The following STAT4 variants were observed in gnomAD, a reference collection of about 807,000 sequenced individuals.
STAT4 encodes signal transducer and activator of transcription 4.
Under a neutral mutation model 110.5 loss-of-function variants are expected in STAT4, and 42 were observed. The observed-to-expected ratio is 0.38, with a 90% CI of 0.30 to 0.49. The LOEUF is 0.49. Ranked by LOEUF, STAT4 falls within the 20% of genes least tolerant of loss-of-function variation. The pLI, the probability that STAT4 is intolerant of heterozygous loss-of-function variation, is 0.95. For synonymous variants in STAT4, 284 were observed against 302.2 expected (o/e 0.94, Z 0.63); for missense variants, 632 against 887.9 (o/e 0.71, Z 3.66).
At chr2:191,126,566 G>C (rs986840640) in intron 3 of STAT4, among the ~76,000 whole-genome samples, 1 of 152,162 alleles carries the variant, frequency 6.6e-6, no homozygotes, top group African/African-American at 2.4e-5. Flanking sequence ...CTTCCTCAGT[G>C]GTACGGTTAG....
intron 3 of STAT4, among the ~76,000 whole-genome samples, chr2:191,093,144 A>C (rs1191773082): frequency 6.6e-6 from 1 of 152,218 alleles, no homozygotes; most frequent in Non-Finnish European, 1.5e-5. Flanking sequence ...AGGCAGCAGA[A>C]ACTTCTGCAG....
rs186539679 is a variant in STAT4, at chr2:191,135,030, G to A, written c.273+11583C>T. On this transcript the variant is annotated intron_variant, in intron 3 of 23. Transcript: ENST00000392320. This position sits in a 1 kb window ranked among gnomAD's most constrained non-coding sequence, Gnocchi z 4.8. ...ACTAGAAAAGCAAGAAAAAAAAACCGAAATTAGTGGAAGGAAAGAATTAAT... is the reference window on the plus strand; with the variant it reads ...ACTAGAAAAGCAAGAAAAAAAAACCAAAATTAGTGGAAGGAAAGAATTAAT... Among the ~76,000 whole-genome samples the A allele has an allele frequency of 1.3e-5, 2 of 151,628 alleles. No homozygotes were observed. Among genetic ancestry groups the A allele is most frequent in the Non-Finnish European group, 2.9e-5 (2 of 67,838 alleles).
rs1698579572 is a variant in STAT4 at position 191,116,596 on chromosome 2, C to T, written c.273+30017G>A. ...AAAGGTGGCATGCTTTGGGAACAGT[C>T]CATCCCACTTAACTTTCTCGGTTAA... On this transcript the variant is annotated intron_variant, in intron 3 of 23. Coordinates refer to ENST00000392320, the MANE Select transcript of STAT4 (RefSeq NM_003151.4). This position sits in a 1 kb window ranked among gnomAD's most constrained non-coding sequence, Gnocchi z 4.1. Among the ~76,000 whole-genome samples the T allele has an allele frequency of 6.6e-6, 1 of 152,078 alleles. No individual in the cohort carries two copies. The highest frequency in any genetic ancestry group is 2.1e-4 in the South Asian group (1 of 4,812).
intron 3 of STAT4, among the ~76,000 whole-genome samples, 185 bp from the exon 4 acceptor site, chr2:191,076,510 T>G (rs1216779706): frequency 6.6e-6 from 1 of 152,142 alleles, no homozygotes; most frequent in Non-Finnish European, 1.5e-5. Context: ...CGTAGACCCC[T>G]AAAGAGAGCA....
chr2:191,072,429 G>A (rs1005326966), intron 5 of STAT4, among the ~76,000 whole-genome samples: 2 of 152,090 alleles, frequency 1.3e-5, no homozygotes, highest in Non-Finnish European at 2.9e-5. Context: ...TGTTTTACTT[G>A]TTATGGAGGA....
intron 3 of STAT4, among the ~76,000 whole-genome samples, chr2:191,097,914 G>GAA (rs71030323): frequency 3.5e-4 from 53 of 150,658 alleles, no homozygotes; most frequent in African/African-American, 8.0e-4. Flanking sequence ...AAATTTACAA[G>GAA]AAAAAAAAAC....
Position 191,064,955 on chromosome 2 carries a change from C to T in STAT4, c.634G>A (p.Ala212Thr), listed in dbSNP as rs757165202. The change falls in exon 8 of 24, where the codon GCT (alanine) becomes ACT (threonine). Residue 212 changes from alanine to threonine, a missense_variant. Transcript: ENST00000392320. ...LNSLDFKRKE[A>T]LSKMTQIIHE... is the part of the protein sequence containing the mutation. ...ATGATTTGGGTCATTTTACTGAGAG[C>T]CTCCTAAAAACAAAGGGGACTACTG... is the stretch of plus-strand genomic sequence containing the variant. 3.1e-6 allele frequency: 5 copies of T among 1,595,934 alleles called. No homozygotes were observed. Among genetic ancestry groups the T allele is most frequent in the Non-Finnish European group, 3.4e-6 (4 of 1,172,416 alleles).
intron 3 of STAT4, among the ~76,000 whole-genome samples, chr2:191,141,485 T>C (rs555118162): frequency 8.9e-5 from 12 of 135,420 alleles, no homozygotes; most frequent in Non-Finnish European, 1.2e-4. Context: ...TACATACATA[T>C]ACATATGTAT....
chr2:191,072,353 A>G (rs1697188906), intron 5 of STAT4, among the ~76,000 whole-genome samples: 1 of 152,184 alleles, frequency 6.6e-6, no homozygotes, highest in African/African-American at 2.4e-5. Context: ...TAATGTGCCA[A>G]GGTATTTTGT....
At chr2:191,096,254 C>G (rs1214336225) in intron 3 of STAT4, among the ~76,000 whole-genome samples, 1 of 152,186 alleles carries the variant, frequency 6.6e-6, no homozygotes, top group Non-Finnish European at 1.5e-5. Flanking sequence ...AGGGAATCCT[C>G]CCTAATTCAT....
rs12619030 is a variant in STAT4 at position 191,129,609 on chromosome 2, C to A, written c.273+17004G>T. 4.4e-4 allele frequency among the ~76,000 whole-genome samples: 67 copies of A among 152,090 alleles called. 1 individual carries two copies. The highest frequency in any genetic ancestry group is 1.5e-3 in the African/African-American group (64 of 41,442). ...AACATGTCACTTTCCAAAAAAAAGGCGATGGAATTTTCTAACACATCTCCT... is the reference window on the plus strand; with the variant it reads ...AACATGTCACTTTCCAAAAAAAAGGAGATGGAATTTTCTAACACATCTCCT... On this transcript the variant is annotated intron_variant, in intron 3 of 23. Coordinates refer to ENST00000392320, the MANE Select transcript of STAT4 (RefSeq NM_003151.4).
rs764645584 is a variant in STAT4, at chr2:191,054,531, G to T, written c.1210C>A (p.Pro404Thr). 6.2e-7 allele frequency: 1 copy of T among 1,611,420 alleles called. No homozygotes were observed. Among genetic ancestry groups the T allele is most frequent in the Non-Finnish European group, 8.5e-7 (1 of 1,179,026 alleles). Residue 404 changes from proline (P) to threonine (T), a missense_variant, in exon 14 of 24, where the codon CCA becomes ACA. This residue lies in a region of STAT4 where 488 missense variants were observed against 632.8 expected (regional missense o/e 0.77). Transcript: ENST00000392320. ...SLSVEFRHLQPKEMKSSAGGK... is the reference protein window; with the variant it reads ...SLSVEFRHLQTKEMKSSAGGK... ...CCAGCACTGGACTTCATTTCCTTTG[G>T]TTGCTTTGTAAAAGAAAACAACAAT...
chr2:191,130,593 C>T (rs563911356), intron 3 of STAT4, among the ~76,000 whole-genome samples: 9 of 151,558 alleles, frequency 5.9e-5, no homozygotes, highest in Non-Finnish European at 1.2e-4. Flanking sequence ...TTTCTAGTGT[C>T]CTGCAGTTCA....
intron 3 of STAT4, among the ~76,000 whole-genome samples, chr2:191,141,454 T>TATATACATATGTATATCACATACATAC (rs1553517526): frequency 4.2e-3 from 120 of 28,728 alleles, no homozygotes; most frequent in Non-Finnish European, 7.8e-3. Context: ...GTATATCACA[T>TATATACATATGTATATCACATACATAC]ATATACATAT....
In STAT4 at chr2:191,053,689, G is replaced by T. The variant is rs1342894822; in HGVS notation, c.1251+801C>A. Among the ~76,000 whole-genome samples the T allele has an allele frequency of 6.6e-6, 1 of 152,182 alleles. No homozygotes were observed. The highest frequency in any genetic ancestry group is 1.5e-5 in the Non-Finnish European group (1 of 68,052). On this transcript the variant is annotated intron_variant, in intron 14 of 23. Transcript: ENST00000392320. This position sits in a 1 kb window ranked among gnomAD's most constrained non-coding sequence, Gnocchi z 4.5. ...AATTTTTCAGCCTGACTTCATATAT[G>T]TGAGAAAATGAGTGAACAAAAATGA... is the stretch of plus-strand genomic sequence containing the variant.
intron 17 of STAT4, 88 bp downstream of exon 17, chr2:191,036,076 T>C: frequency 4.9e-6 from 7 of 1,433,570 alleles, no homozygotes; most frequent in Non-Finnish European, 6.6e-6. Flanking sequence ...ATCATCTTTA[T>C]TATTAGTAGT....
At position 191,113,614 on chromosome 2, in the gene STAT4, C is replaced by A. The variant is rs540154436; in HGVS notation, c.273+32999G>T. 6.6e-5 allele frequency among the ~76,000 whole-genome samples: 10 copies of A among 152,176 alleles called. No individual in the cohort carries two copies. The South Asian group carries it at 2.1e-3, about 32-fold the overall frequency. ...AGAAGGCAATTAGGTACCATTAGGG[C>A]CAAATTTGTCTTTTGTCATCATGCG... On this transcript the variant is annotated intron_variant, in intron 3 of 23. Coordinates refer to ENST00000392320, the MANE Select transcript of STAT4 (RefSeq NM_003151.4). The surrounding 1 kb of genome is among the most constrained non-coding windows in gnomAD (Gnocchi z 4.8).
At chr2:191,151,340 C>G (rs576914834), upstream of STAT4, 8 of 985,576 alleles carry the variant, frequency 8.1e-6, no homozygotes, top group South Asian at 2.3e-4. The surrounding 1 kb of genome is among the most constrained non-coding windows in gnomAD (Gnocchi z 4.7). Flanking sequence ...TTACCTGGAG[C>G]CCAGTTCTTC....
chr2:191,044,102 T>A (rs1273784777), intron 14 of STAT4, among the ~76,000 whole-genome samples: 1 of 152,140 alleles, frequency 6.6e-6, no homozygotes, highest in African/African-American at 2.4e-5. Context: ...ATTTGATGGG[T>A]GTTCATGCTA....
Sources: allele counts gnomAD v4.1 joint callset (sites outside exome capture counted in the v4.1 genomes callset), GRCh38; gene constraint gnomAD v4.1.1; regional missense constraint gnomAD v4.1.1; non-coding constraint Gnocchi (gnomAD v3.1); transcripts MANE v1.5; gene names NCBI Gene and HGNC (gene_info 2026-07-23, HGNC 2026-07-21).